The following KIF1A variants were observed in gnomAD, a reference collection of about 807,000 sequenced individuals.
KIF1A encodes kinesin family member 1A, also known as kinesin-like protein KIF1A.
In KIF1A, 46 loss-of-function variants were observed where a neutral mutation model predicts 227.3. The observed-to-expected ratio is 0.20, with a 90% confidence interval of 0.16 to 0.26. The LOEUF is 0.26. KIF1A is among the 10% of genes least tolerant of loss of function. The pLI is 1.00. For missense variants in KIF1A, 1,683 were observed against 2,485.9 expected (o/e 0.68, Z 6.87); for synonymous variants, 1,022 against 1,012.8 (o/e 1.01, Z -0.17).
rs561772909 is a variant in KIF1A at position 240,736,878 on chromosome 2, C to T, written c.4007+185G>A. Reference sequence around the variant, plus strand: ...CTGAACCAGCAACGAGGTGCACAAACGAGGAGCCGGGGGTGCAGAGGCCAC... The same window carrying T: ...CTGAACCAGCAACGAGGTGCACAAATGAGGAGCCGGGGGTGCAGAGGCCAC... On this transcript the variant is annotated intron_variant, in intron 38 of 48. Coordinates refer to ENST00000498729, the MANE Select transcript of KIF1A (RefSeq NM_001244008.2). The surrounding 1 kb of genome is among the most constrained non-coding windows in gnomAD (Gnocchi z 4.7). Among the ~76,000 whole-genome samples, 189 of 152,296 alleles carry T rather than the reference C, an allele frequency of 1.2e-3. 2 individuals are homozygous for T. The highest frequency in any genetic ancestry group is 1.9e-3 in the Non-Finnish European group (131 of 68,018).
chr2:240,810,825 G>C (rs2057809351), intron 1 of KIF1A, among the ~76,000 whole-genome samples: 1 of 152,186 alleles, frequency 6.6e-6, no homozygotes, highest in South Asian at 2.1e-4. Context: ...GCCACTCGAT[G>C]TGCCCGCCAT....
chr2:240,734,858 G>A, intron 38 of KIF1A: 1 of 794,472 alleles, frequency 1.3e-6, no homozygotes, highest in South Asian at 1.4e-5. Context: ...TCTGAGCCAG[G>A]GAGGCTGCAA....
rs1394328434 is a variant in KIF1A, at chr2:240,719,003, C to T, written c.5214+3G>A. 7 of 1,598,764 alleles carry T rather than the reference C, an allele frequency of 4.4e-6. No homozygotes were observed. Among genetic ancestry groups the T allele is most frequent in the Admixed American group, 3.4e-5 (2 of 59,504 alleles). ...CCCGAGCCTGAGCCGGGCCCAGCCG[C>T]ACCTTGAGCATAGCCTGCTGGTCCT... On this transcript the variant is annotated splice_donor_region_variant and intron_variant, in intron 47 of 48. Coordinates refer to ENST00000498729, the MANE Select transcript of KIF1A (RefSeq NM_001244008.2).
rs1258396234 is a variant in KIF1A at position 240,743,885 on chromosome 2, A to G, written c.3584+57T>C. Reference sequence around the variant, plus strand: ...AGCCTCAAGACAGCTGGATGAAAAGATCTGGGCAGGGGCTTTGAGGACAGC... The same window carrying G: ...AGCCTCAAGACAGCTGGATGAAAAGGTCTGGGCAGGGGCTTTGAGGACAGC... On this transcript the variant is annotated intron_variant, in intron 33 of 48. Coordinates refer to ENST00000498729, the MANE Select transcript of KIF1A (RefSeq NM_001244008.2). 4.3e-6 allele frequency: 5 copies of G among 1,166,546 alleles called. No homozygotes were observed. In the East Asian group the frequency reaches 1.2e-4, roughly 28 times the overall value. 72.3% of individuals were successfully genotyped at this position (1,166,546 alleles called of 1,614,324 possible). A position where few individuals can be genotyped will look rare whatever the true frequency, so the allele number is the denominator to read the frequency against.
chr2:240,791,858 C>T (rs2055750672), intron 2 of KIF1A, among the ~76,000 whole-genome samples: 1 of 151,842 alleles, frequency 6.6e-6, no homozygotes, highest in South Asian at 2.1e-4. Flanking sequence ...TGGGCCCCCA[C>T]CCCTCCCAGG....
In KIF1A at chr2:240,787,899, G is replaced by C. The variant is rs1357723189; in HGVS notation, c.363+152C>G. ...TCACAGCCACATCTGGCTCTCACCT[G>C]CCCCAGCCCCACTCTTGACCCAGCT... On this transcript the variant is annotated intron_variant, in intron 4 of 48. Coordinates refer to ENST00000498729, the MANE Select transcript of KIF1A (RefSeq NM_001244008.2). 2.0e-5 allele frequency among the ~76,000 whole-genome samples: 3 copies of C among 152,124 alleles called. No individual in the cohort carries two copies. In the East Asian group the frequency reaches 5.8e-4, roughly 29 times the overall value.
Position 240,796,404 on chromosome 2 carries a change from C to T in KIF1A, c.106+1243G>A, listed in dbSNP as rs146898760. On this transcript the variant is annotated intron_variant, in intron 2 of 48. Coordinates refer to ENST00000498729, the MANE Select transcript of KIF1A (RefSeq NM_001244008.2). ...TAGGTGCATTGTGTTCATCCACGGG[C>T]CCCGGCAAGGCCAGGGCCCCGGCCA... 5.8e-3 allele frequency among the ~76,000 whole-genome samples: 881 copies of T among 152,260 alleles called. 11 individuals are homozygous for T. Among genetic ancestry groups the T allele is most frequent in the African/African-American group, 0.02 (833 of 41,548 alleles).
intron 1 of KIF1A, among the ~76,000 whole-genome samples, chr2:240,813,070 T>C (rs1049075651): frequency 6.6e-6 from 1 of 151,832 alleles, no homozygotes; most frequent in Non-Finnish European, 1.5e-5. Context: ...TGGCCCGCCA[T>C]GTGCACACCC....
chr2:240,786,192 G>A (rs1206899218), intron 6 of KIF1A, 143 bp downstream of exon 6: 10 of 767,110 alleles, frequency 1.3e-5, no homozygotes, highest in African/African-American at 7.0e-5. Flanking sequence ...AGGCCTAAAC[G>A]ACCTCGGGCT....
chr2:240,727,766 G>A (rs1477620032), intron 38 of KIF1A, among the ~76,000 whole-genome samples: 1 of 152,196 alleles, frequency 6.6e-6, no homozygotes, highest in African/African-American at 2.4e-5. Context: ...CCATGGGGTC[G>A]AACCACGTTC....
chr2:240,811,540 C>G (rs949308254), intron 1 of KIF1A, among the ~76,000 whole-genome samples: 1 of 151,894 alleles, frequency 6.6e-6, no homozygotes, highest in Admixed American at 6.6e-5. Flanking sequence ...CCTGAGAAGG[C>G]GGGGGGTTGC....
chr2:240,801,411 G>C (rs2056949055), intron 1 of KIF1A, among the ~76,000 whole-genome samples: 1 of 152,196 alleles, frequency 6.6e-6, no homozygotes, highest in African/African-American at 2.4e-5. Context: ...TAGTAAACTG[G>C]AGGACAGGTA....
intron 1 of KIF1A, among the ~76,000 whole-genome samples, chr2:240,815,831 A>G (rs1203486033): frequency 6.6e-6 from 1 of 152,216 alleles, no homozygotes; most frequent in Non-Finnish European, 1.5e-5. Context: ...CCATACCTGG[A>G]AAATGGGAAC....
intron 25 of KIF1A, among the ~76,000 whole-genome samples, chr2:240,760,115 G>A (rs1279826100): frequency 2.0e-5 from 3 of 151,726 alleles, no homozygotes; most frequent in Admixed American, 2.0e-4. Flanking sequence ...AGCTCACGTT[G>A]GGCACAGAGG....
chr2:240,737,370 G>A, intron 37 of KIF1A: 1 of 506,968 alleles, frequency 2.0e-6, no homozygotes, highest in Non-Finnish European at 3.6e-6. Context: ...CTGCTCCACG[G>A]TCTTTCTTGT....
chr2:240,734,176 G>A (rs1419465896), intron 38 of KIF1A, among the ~76,000 whole-genome samples: 1 of 152,272 alleles, frequency 6.6e-6, no homozygotes, highest in Non-Finnish European at 1.5e-5. Flanking sequence ...GGACTCACGA[G>A]AGGCTGTGGA....
intron 10 of KIF1A, chr2:240,782,037 C>T: frequency 1.0e-6 from 1 of 985,434 alleles, no homozygotes; most frequent in Non-Finnish European, 1.2e-6. Context: ...CATTCCCACG[C>T]TGGCTCACTC....
intron 23 of KIF1A, 104 bp downstream of exon 23, chr2:240,762,615 G>C: frequency 7.2e-7 from 1 of 1,392,480 alleles, no homozygotes; most frequent in Admixed American, 2.9e-5. Flanking sequence ...CCAGACCCCA[G>C]GGCAAAAGTG....
At chr2:240,805,066 AG>A (rs1162062232) in intron 1 of KIF1A, among the ~76,000 whole-genome samples, 13 of 42,610 alleles carry the variant, frequency 3.1e-4, no homozygotes, top group African/African-American at 1.9e-3. Flanking sequence ...GAGGGGAGGG[AG>A]AGGGCAGGGA....
Sources: gnomAD v4.1 joint callset for allele counts (sites outside exome capture counted in the v4.1 genomes callset) on GRCh38, gnomAD v4.1.1 for gene constraint, Gnocchi (gnomAD v3.1) non-coding constraint, MANE v1.5 for transcripts, NCBI Gene and HGNC (gene_info 2026-07-23, HGNC 2026-07-21) for gene names.